EFHD1: variants seen among roughly 807,000 people sequenced by gnomAD.
EFHD1 encodes the protein EF-hand domain-containing protein D1.
In EFHD1, 10 loss-of-function variants were observed where a neutral mutation model predicts 17.2. The observed-to-expected ratio is 0.58, with a 90% CI of 0.36 to 0.99. The LOEUF is 0.99. EFHD1 is among the 50% of genes least tolerant of loss of function. EFHD1 has a pLI of 0.01. For synonymous variants in EFHD1, 153 were observed against 142.0 expected (o/e 1.08, Z -0.55); for missense variants, 310 against 327.5 (o/e 0.95, Z 0.41).
chr2:232,677,203 T>C, intron 3 of EFHD1, among the ~76,000 whole-genome samples: 1 of 93,668 alleles, frequency 1.1e-5, no homozygotes. Flanking sequence ...CAAGACCCCA[T>C]CTCTACACAC....
intron 1 of EFHD1, among the ~76,000 whole-genome samples, chr2:232,659,080 T>C (rs1408336467): frequency 6.6e-6 from 1 of 151,890 alleles, no homozygotes; most frequent in Admixed American, 6.6e-5. Context: ...CTCTGCCCAC[T>C]TCTGGGAAAC....
intron 1 of EFHD1, among the ~76,000 whole-genome samples, chr2:232,624,841 T>C (rs1694080097): frequency 6.6e-6 from 1 of 152,106 alleles, no homozygotes; most frequent in Non-Finnish European, 1.5e-5. Flanking sequence ...CAGCCTCTGT[T>C]TTTCAGTTCT....
At position 232,619,164 on chromosome 2, in the gene EFHD1, TAA is replaced by T. The variant is rs1167155469; in HGVS notation, c.14+12993_14+12994del. On this transcript the variant is annotated intron_variant, in intron 1 of 3. Transcript: ENST00000409613. ...GCAAAACTCCATCTCAAAATATAAA[TAA>T]ATAAATAAATAAATAAATAAATAAA... Among the ~76,000 whole-genome samples, 4 of 97,844 alleles carry T rather than the reference TAA, an allele frequency of 4.1e-5. No individual in the cohort carries two copies. In the East Asian group the frequency reaches 2.6e-3, roughly 65 times the overall value. 64.2% of individuals were successfully genotyped at this position (97,844 alleles called of 152,430 possible).
chr2:232,681,837 A>C lies in EFHD1; in HGVS notation c.*118A>C. ...CCCTGAGCCAGCATCTCCATCCACC[A>C]CCCCGTGCCAGCTCCCGTGCCAGCC... On this transcript the variant is annotated 3_prime_UTR_variant, in exon 4 of 4. Transcript: ENST00000264059. 7.1e-7 allele frequency: 1 copy of C among 1,413,774 alleles called. No homozygotes were observed. The highest frequency in any genetic ancestry group is 9.4e-7 in the Non-Finnish European group (1 of 1,067,756). The allele number at this position is 1,413,774 out of a possible 1,614,324, so 87.6% of individuals were successfully genotyped here. A position where few individuals can be genotyped will look rare whatever the true frequency, so the allele number is the denominator to read the frequency against.
At chr2:232,673,233 G>C (rs576408693) in intron 3 of EFHD1, among the ~76,000 whole-genome samples, 1 of 152,304 alleles carries the variant, frequency 6.6e-6, no homozygotes, top group East Asian at 1.9e-4. Flanking sequence ...AGAGAGGAGG[G>C]AAGGGCTATT....
At chr2:232,666,526 C>A (rs564785927) in intron 2 of EFHD1, among the ~76,000 whole-genome samples, 2 of 152,320 alleles carry the variant, frequency 1.3e-5, no homozygotes, top group East Asian at 3.9e-4. Flanking sequence ...ATGCATTCCG[C>A]CTTCTGCCCT....
intron 1 of EFHD1, among the ~76,000 whole-genome samples, chr2:232,650,537 A>G (rs4973549): frequency 0.64 from 55,116 of 85,968 alleles, 19,698 homozygotes; most frequent in African/African-American, 0.78. Flanking sequence ...CAGGTGATCC[A>G]CCCGCCTCGG....
chr2:232,668,533 A>G (rs1025720403), intron 2 of EFHD1, among the ~76,000 whole-genome samples: 8 of 152,174 alleles, frequency 5.3e-5, no homozygotes, highest in African/African-American at 1.9e-4. Context: ...TGAGAAGGCC[A>G]AGCCTCGGGG....
intron 1 of EFHD1, among the ~76,000 whole-genome samples, chr2:232,613,757 C>T (rs62191602): frequency 0.73 from 110,165 of 150,154 alleles, 40,898 homozygotes; most frequent in African/African-American, 0.85. Context: ...CACACAAATA[C>T]GCACACACAT....
chr2:232,617,324 T>C (rs1574700684), intron 1 of EFHD1, among the ~76,000 whole-genome samples: 1 of 152,188 alleles, frequency 6.6e-6, no homozygotes, highest in Non-Finnish European at 1.5e-5. Context: ...TGAAATGTTA[T>C]GTGTATGCTG....
intron 3 of EFHD1, among the ~76,000 whole-genome samples, 189 bp from the exon 4 acceptor site, chr2:232,681,396 T>C (rs1695279636): frequency 2.0e-5 from 3 of 152,152 alleles, no homozygotes; most frequent in Admixed American, 2.0e-4. Context: ...TTAGAGATGG[T>C]GTCTGCGCCA....
At chr2:232,623,835 C>T (rs2106187962) in intron 1 of EFHD1, among the ~76,000 whole-genome samples, 1 of 152,310 alleles carries the variant, frequency 6.6e-6, no homozygotes, top group East Asian at 1.9e-4. Flanking sequence ...GGGCTGAGCT[C>T]CTTCAGAGGA....
At chr2:232,617,923 T>C (rs1170239031) in intron 1 of EFHD1, among the ~76,000 whole-genome samples, 4 of 147,550 alleles carry the variant, frequency 2.7e-5, no homozygotes, top group African/African-American at 9.9e-5. Context: ...CACTCCAGCC[T>C]GGGTGGCAGA....
chr2:232,656,426 CT>C (rs112444755), intron 1 of EFHD1, among the ~76,000 whole-genome samples: 523 of 130,542 alleles, frequency 4.0e-3, no homozygotes, highest in Admixed American at 6.2e-3. Flanking sequence ...TAGGACCTTG[CT>C]TTTTTTTTTT....
upstream of EFHD1, among the ~76,000 whole-genome samples, chr2:232,630,814 GAA>G (rs956286928): frequency 1.4e-5 from 2 of 144,112 alleles, no homozygotes; most frequent in Non-Finnish European, 3.0e-5. Flanking sequence ...AGAAAGAAAA[GAA>G]AAAAAGTCAT....
At chr2:232,678,755 C>A (rs989480881) in intron 3 of EFHD1, among the ~76,000 whole-genome samples, 5 of 152,164 alleles carry the variant, frequency 3.3e-5, no homozygotes, top group Non-Finnish European at 7.3e-5. Flanking sequence ...TGCACTCTAG[C>A]CTGGGCAAAG....
At chr2:232,669,909 C>G (rs2106215694) in intron 2 of EFHD1, among the ~76,000 whole-genome samples, 1 of 152,096 alleles carries the variant, frequency 6.6e-6, no homozygotes, top group Non-Finnish European at 1.5e-5. Context: ...AGAAGGCATT[C>G]TTTTAGGGAA....
At chr2:232,625,252 C>T (rs1252150350) in intron 1 of EFHD1, among the ~76,000 whole-genome samples, 2 of 151,892 alleles carry the variant, frequency 1.3e-5, no homozygotes, top group Non-Finnish European at 2.9e-5. Flanking sequence ...CCTCAGCCTC[C>T]GGAGTAGCTG....
intron 1 of EFHD1, among the ~76,000 whole-genome samples, chr2:232,636,921 G>A (rs1395041935): frequency 6.6e-6 from 1 of 152,170 alleles, no homozygotes; most frequent in Non-Finnish European, 1.5e-5. Flanking sequence ...TTAGCCCACA[G>A]TTTGAGCTGT....
Sources: allele counts gnomAD v4.1 joint callset (sites outside exome capture counted in the v4.1 genomes callset), GRCh38; gene constraint gnomAD v4.1.1; transcripts MANE v1.5; gene names NCBI Gene and HGNC (gene_info 2026-07-23, HGNC 2026-07-21).